EPHA5: variants seen among roughly 807,000 people sequenced by gnomAD.
EPHA5 encodes the protein ephrin type-A receptor 5.
A neutral mutation model predicts 105.0 loss-of-function variants in EPHA5; 60 were observed. That is an observed-to-expected ratio of 0.57 (90% CI 0.46 to 0.71). EPHA5 has a LOEUF of 0.71. Among genes scored for constraint, EPHA5 ranks in the 30% least tolerant of loss-of-function variants. EPHA5 has a pLI of 0.00. For synonymous variants in EPHA5, 513 were observed against 449.1 expected (o/e 1.14, Z -1.80); for missense variants, 1,218 against 1,274.7 (o/e 0.96, Z 0.68).
intron 8 of EPHA5, among the ~76,000 whole-genome samples, chr4:65,386,652 T>G (rs1327638575): frequency 6.6e-6 from 1 of 151,972 alleles, no homozygotes; most frequent in Non-Finnish European, 1.5e-5. Flanking sequence ...CACTAAATTT[T>G]TGCTTTTAAA....
chr4:65,543,670 G>A (rs1690487417), intron 3 of EPHA5, among the ~76,000 whole-genome samples: 1 of 151,762 alleles, frequency 6.6e-6, no homozygotes, highest in African/African-American at 2.4e-5. Flanking sequence ...TAGATTCAAT[G>A]CTATTCTCAT....
rs372028490 is a variant in EPHA5 at position 65,468,000 on chromosome 4, C to T, written c.1402+22377G>A. Among the ~76,000 whole-genome samples, 16 of 152,140 alleles carry T rather than the reference C, an allele frequency of 1.1e-4. No homozygotes were observed. In the South Asian group the frequency reaches 2.9e-3, roughly 28 times the overall value. On this transcript the variant is annotated intron_variant, in intron 5 of 16. Coordinates refer to ENST00000613740, the MANE Select transcript of EPHA5 (RefSeq NM_001281766.3). The stretch of plus-strand genomic sequence containing the variant: ...TAAATGAATTATGCCCTAGAACCTC[C>T]GAAGAGAAACACAGTCCTGCTGACA...
intron 3 of EPHA5, among the ~76,000 whole-genome samples, chr4:65,516,582 A>G (rs1734128194): frequency 6.6e-6 from 1 of 151,930 alleles, no homozygotes; most frequent in South Asian, 2.1e-4. Context: ...GCGCGTGCAT[A>G]TGTCTGTGTG....
chr4:65,491,563 G>A (rs1030968819), intron 4 of EPHA5, among the ~76,000 whole-genome samples: 8 of 151,928 alleles, frequency 5.3e-5, no homozygotes, highest in South Asian at 4.2e-4. Context: ...TATTAACTAC[G>A]AATAGCTTTC....
At chr4:65,579,434 C>T (rs1741396513) in intron 3 of EPHA5, among the ~76,000 whole-genome samples, 1 of 148,740 alleles carries the variant, frequency 6.7e-6, no homozygotes, top group South Asian at 2.1e-4. Flanking sequence ...AGGATTGTGG[C>T]AGTATAGATT....
At chr4:65,451,488 T>C (rs1005537330) in intron 5 of EPHA5, among the ~76,000 whole-genome samples, 1 of 152,132 alleles carries the variant, frequency 6.6e-6, no homozygotes, top group Non-Finnish European at 1.5e-5. Context: ...ATAGAATTAA[T>C]AAACATAGTT....
intron 3 of EPHA5, among the ~76,000 whole-genome samples, chr4:65,522,831 G>T (rs868551609): frequency 6.6e-6 from 1 of 152,002 alleles, no homozygotes; most frequent in African/African-American, 2.4e-5. Flanking sequence ...CAGTTAAAAT[G>T]GTTCAATATC....
chr4:65,443,758 C>G (rs980738579), intron 5 of EPHA5, among the ~76,000 whole-genome samples: 1 of 152,178 alleles, frequency 6.6e-6, no homozygotes, highest in African/African-American at 2.4e-5. Context: ...TTTGCATTCT[C>G]TCTTACTGGT....
intron 7 of EPHA5, among the ~76,000 whole-genome samples, chr4:65,411,077 G>A (rs933419579): frequency 1.3e-5 from 2 of 151,658 alleles, no homozygotes; most frequent in African/African-American, 2.4e-5. Context: ...GTTGAGAATG[G>A]GGGTAATGTA....
chr4:65,442,606 T>C (rs773965283), intron 5 of EPHA5, among the ~76,000 whole-genome samples: 16 of 152,194 alleles, frequency 1.1e-4, no homozygotes, highest in Non-Finnish European at 2.1e-4. Context: ...GACATCCAGA[T>C]ATGTAAGTGC....
At chr4:65,470,944 A>C (rs1366171517) in intron 5 of EPHA5, among the ~76,000 whole-genome samples, 1 of 152,192 alleles carries the variant, frequency 6.6e-6, no homozygotes. Flanking sequence ...GAATTTTGGC[A>C]AATCCCAGCA....
intron 14 of EPHA5, among the ~76,000 whole-genome samples, chr4:65,339,480 T>C (rs1721496710): frequency 6.6e-6 from 1 of 152,122 alleles, no homozygotes; most frequent in African/African-American, 2.4e-5. Flanking sequence ...CAAAGTATAA[T>C]GAAACCAATT....
intron 1 of EPHA5, among the ~76,000 whole-genome samples, chr4:65,659,381 C>T (rs1025328235): frequency 1.4e-5 from 2 of 138,948 alleles, no homozygotes; most frequent in Middle Eastern, 4.3e-3. Flanking sequence ...AGCATAGATG[C>T]CGTGAATTGG....
chr4:65,562,727 A>C (rs1578430134), intron 3 of EPHA5, among the ~76,000 whole-genome samples: 1 of 152,104 alleles, frequency 6.6e-6, no homozygotes, highest in Non-Finnish European at 1.5e-5. Flanking sequence ...GCTTCTTCTC[A>C]CTTTTTTGAA....
intron 3 of EPHA5, among the ~76,000 whole-genome samples, chr4:65,513,937 C>T (rs1331826040): frequency 2.6e-5 from 4 of 152,140 alleles, no homozygotes; most frequent in African/African-American, 9.7e-5. Context: ...ATCCACCTGT[C>T]TCACTTCCAA....
chr4:65,321,243 T>C lies in EPHA5; in HGVS notation c.*2871A>G, dbSNP rs1577796529. 1.3e-5 allele frequency: 3 copies of C among 230,608 alleles called. No individual in the cohort carries two copies. The South Asian group carries it at 5.4e-4, about 42-fold the overall frequency. The allele number at this position is 230,608 out of a possible 1,614,324, so 14.3% of individuals were successfully genotyped here. A position where few individuals can be genotyped will look rare whatever the true frequency, so the allele number is the denominator to read the frequency against. ...TATTATTTGCCAAATCTGTTGTATA[T>C]ACTAAAATTGTCATGTCTGTGCTTT... On this transcript the variant is annotated 3_prime_UTR_variant, in exon 17 of 17. Coordinates refer to ENST00000613740, the MANE Select transcript of EPHA5 (RefSeq NM_001281766.3).
intron 3 of EPHA5, among the ~76,000 whole-genome samples, chr4:65,510,598 G>T (rs1019291663): frequency 6.6e-6 from 1 of 152,156 alleles, no homozygotes; most frequent in Non-Finnish European, 1.5e-5. Context: ...ATCAGAATGT[G>T]TATGTGTGTG....
At chr4:65,455,013 A>C (rs1363405944) in intron 5 of EPHA5, among the ~76,000 whole-genome samples, 1 of 152,106 alleles carries the variant, frequency 6.6e-6, no homozygotes, top group Non-Finnish European at 1.5e-5. Context: ...TGGGAGGCCG[A>C]GGCGGGCAGA....
chr4:65,461,847 G>A (rs1380156731), intron 5 of EPHA5, among the ~76,000 whole-genome samples: 1 of 151,840 alleles, frequency 6.6e-6, no homozygotes, highest in African/African-American at 2.4e-5. Flanking sequence ...ATAAAAAGGA[G>A]AAAAATGAGA....
Sources: gnomAD v4.1 joint callset for allele counts (sites outside exome capture counted in the v4.1 genomes callset) on GRCh38, gnomAD v4.1.1 for gene constraint, MANE v1.5 for transcripts, NCBI Gene and HGNC (gene_info 2026-07-23, HGNC 2026-07-21) for gene names.